The following NCOA6 variants were observed in gnomAD, a reference collection of about 807,000 sequenced individuals.
NCOA6 encodes the protein nuclear receptor coactivator 6, also known as NRC RAP250.
In NCOA6, 49 loss-of-function variants were observed where a neutral mutation model predicts 171.4. The observed-to-expected ratio is 0.29, with a 90% CI of 0.23 to 0.36. The LOEUF is 0.36. NCOA6 is among the 10% of genes least tolerant of loss of function. The pLI is 1.00. For missense variants in NCOA6, 2,248 were observed against 2,554.5 expected (o/e 0.88, Z 2.59); for synonymous variants, 910 against 927.5 (o/e 0.98, Z 0.34).
At chr20:34,816,058 A>C (rs1379687837) in intron 1 of NCOA6, among the ~76,000 whole-genome samples, 1 of 152,102 alleles carries the variant, frequency 6.6e-6, no homozygotes, top group African/African-American at 2.4e-5. Context: ...ACTTCTCCAC[A>C]ACTCCTCAAC....
At chr20:34,822,701 G>A (rs1367871622) in intron 1 of NCOA6, among the ~76,000 whole-genome samples, 2 of 152,180 alleles carry the variant, frequency 1.3e-5, no homozygotes, top group African/African-American at 4.8e-5. Flanking sequence ...ATGCCTTGAG[G>A]CACAGTAAAC....
chr20:34,736,807 C>T (rs1255776313), intron 11 of NCOA6, 49 bp from the exon 12 acceptor site: 5 of 1,510,340 alleles, frequency 3.3e-6, no homozygotes, highest in Non-Finnish European at 3.6e-6. Flanking sequence ...CTTTTCTAAA[C>T]AAAAAGAAAG....
At chr20:34,790,122 C>A (rs1466793229) in intron 2 of NCOA6, among the ~76,000 whole-genome samples, 5 of 149,748 alleles carry the variant, frequency 3.3e-5, no homozygotes, top group Non-Finnish European at 5.9e-5. Context: ...CACATATATT[C>A]ACAGCAACAT....
intron 5 of NCOA6, among the ~76,000 whole-genome samples, chr20:34,760,780 A>G (rs1035769166): frequency 1.3e-5 from 2 of 152,086 alleles, no homozygotes; most frequent in Non-Finnish European, 2.9e-5. Context: ...TATTTTTTCT[A>G]TTCTTTTTAA....
intron 8 of NCOA6, among the ~76,000 whole-genome samples, chr20:34,751,960 T>G (rs935100712): frequency 6.6e-6 from 1 of 152,106 alleles, no homozygotes; most frequent in Non-Finnish European, 1.5e-5. Context: ...TGGGTTCAAG[T>G]GATTTTCATG....
intron 1 of NCOA6, among the ~76,000 whole-genome samples, chr20:34,805,956 G>C (rs1568883252): frequency 1.3e-5 from 2 of 152,170 alleles, no homozygotes; most frequent in African/African-American, 4.8e-5. Flanking sequence ...AAAGTGCTGG[G>C]ATTACAGGCG....
intron 13 of NCOA6, among the ~76,000 whole-genome samples, chr20:34,730,685 A>C (rs1416496813): frequency 6.8e-6 from 1 of 146,302 alleles, no homozygotes; most frequent in Non-Finnish European, 1.5e-5. Context: ...TTTATTGACT[A>C]TGCTATTTAA....
At chr20:34,780,202 C>T (rs939104304) in intron 3 of NCOA6, among the ~76,000 whole-genome samples, 3 of 152,176 alleles carry the variant, frequency 2.0e-5, no homozygotes, top group Non-Finnish European at 4.4e-5. Context: ...ATGGTATTAA[C>T]ACTTGTAATA....
At chr20:34,792,923 G>T (rs745738513) in intron 1 of NCOA6, among the ~76,000 whole-genome samples, 1 of 151,652 alleles carries the variant, frequency 6.6e-6, no homozygotes, top group Admixed American at 6.6e-5. Flanking sequence ...GACCACAGGC[G>T]CATGCCACCA....
intron 1 of NCOA6, among the ~76,000 whole-genome samples, chr20:34,808,636 C>CTA (rs2078544229): frequency 6.6e-6 from 1 of 152,098 alleles, no homozygotes; most frequent in Non-Finnish European, 1.5e-5. Flanking sequence ...CAGGGCTTCT[C>CTA]TATGTTGGTC....
chr20:34,811,008 A>G (rs924866983), intron 1 of NCOA6, among the ~76,000 whole-genome samples: 3 of 151,400 alleles, frequency 2.0e-5, no homozygotes, highest in Non-Finnish European at 2.9e-5. Context: ...GGCTAGGCTG[A>G]GCATTGCAGA....
rs2076677809 is a variant in NCOA6 at position 34,757,541 on chromosome 20, G to C, written c.1207C>G (p.Gln403Glu). 6.2e-7 allele frequency: 1 copy of C among 1,613,994 alleles called. No homozygotes were observed. The highest frequency in any genetic ancestry group is 8.5e-7 in the Non-Finnish European group (1 of 1,179,972). Residue 403 changes from glutamine (Q) to glutamate (E), a missense_variant, in exon 7 of 15, where the codon CAG becomes GAG. Physicochemically the swap from Gln to Glu is conservative, Grantham distance 29. Transcript: ENST00000359003. ...GGCCCTCCCTGCAAACTCTTCATCT[G>C]AGGAGCTGTGAACTGGCCTGGGTTG... ...MSNPGQFTAP[Q>E]MKSLQGGPSR...
At chr20:34,756,885 T>C (rs1276509860) in intron 7 of NCOA6, among the ~76,000 whole-genome samples, 1 of 152,246 alleles carries the variant, frequency 6.6e-6, no homozygotes, top group Admixed American at 6.5e-5. Flanking sequence ...TTTCAGCAAC[T>C]GAGAAGTTTA....
At chr20:34,812,970 G>A (rs568691970) in intron 1 of NCOA6, among the ~76,000 whole-genome samples, 1 of 152,204 alleles carries the variant, frequency 6.6e-6, no homozygotes, top group African/African-American at 2.4e-5. Context: ...GGCCAGCCTG[G>A]CCAACATGGT....
intron 10 of NCOA6, among the ~76,000 whole-genome samples, chr20:34,743,715 A>G (rs939491716): frequency 7.2e-5 from 11 of 152,212 alleles, no homozygotes; most frequent in African/African-American, 2.7e-4. Context: ...GCCACCCAAG[A>G]TTCAGGTCTC....
intron 1 of NCOA6, among the ~76,000 whole-genome samples, chr20:34,822,253 T>C (rs2079029492): frequency 6.6e-6 from 1 of 152,140 alleles, no homozygotes; most frequent in Non-Finnish European, 1.5e-5. Context: ...TGAATGCCTC[T>C]CTCAGCTAAG....
At chr20:34,728,915 T>C (rs1283223950) in intron 13 of NCOA6, among the ~76,000 whole-genome samples, 3 of 152,200 alleles carry the variant, frequency 2.0e-5, no homozygotes, top group African/African-American at 7.2e-5. Flanking sequence ...TAACTACATA[T>C]GAATAAATAT....
intron 1 of NCOA6, among the ~76,000 whole-genome samples, chr20:34,806,744 T>C (rs1008355643): frequency 6.6e-6 from 1 of 152,192 alleles, no homozygotes; most frequent in Non-Finnish European, 1.5e-5. Flanking sequence ...GGGTTCTCTA[T>C]GGTGTTTCAT....
intron 2 of NCOA6, among the ~76,000 whole-genome samples, chr20:34,786,642 T>C (rs2077690279): frequency 6.6e-6 from 1 of 152,212 alleles, no homozygotes; most frequent in Non-Finnish European, 1.5e-5. Context: ...AATTTCCATA[T>C]AGTTGTGTGG....
Sources: allele counts gnomAD v4.1 joint callset (sites outside exome capture counted in the v4.1 genomes callset), GRCh38; gene constraint gnomAD v4.1.1; transcripts MANE v1.5; gene names NCBI Gene and HGNC (gene_info 2026-07-23, HGNC 2026-07-21).